Variants in PTPRO observed in about 807,000 individuals in gnomAD.
The protein encoded by PTPRO is protein tyrosine phosphatase receptor type O, also known as receptor-type tyrosine-protein phosphatase O.
A neutral mutation model predicts 145.2 loss-of-function variants in PTPRO; 62 were observed. The observed-to-expected ratio is 0.43, with a 90% CI of 0.35 to 0.53. The LOEUF (loss-of-function observed/expected upper bound fraction) is 0.53. Among genes scored for constraint, PTPRO ranks in the 20% least tolerant of loss-of-function variants. The pLI is 0.01. For synonymous variants in PTPRO, 565 were observed against 514.7 expected (o/e 1.10, Z -1.32); for missense variants, 1,345 against 1,482.7 (o/e 0.91, Z 1.53).
chr12:15,493,939 T>G (rs1313813477), intron 2 of PTPRO, among the ~76,000 whole-genome samples: 1 of 152,208 alleles, frequency 6.6e-6, no homozygotes, highest in Admixed American at 6.5e-5. Flanking sequence ...AATAAAATTT[T>G]TAGACGTTCT....
intron 19 of PTPRO, among the ~76,000 whole-genome samples, chr12:15,574,523 C>T (rs190366351): frequency 1.7e-4 from 26 of 152,310 alleles, no homozygotes; most frequent in African/African-American, 6.0e-4. Context: ...CAGAACTGGC[C>T]ATGCAGTTCA....
chr12:15,492,834 G>A (rs1942026462), intron 2 of PTPRO, among the ~76,000 whole-genome samples: 6 of 152,026 alleles, frequency 3.9e-5, no homozygotes, highest in Admixed American at 3.3e-4. Context: ...AAGTGGGAGA[G>A]GCTCTAGCTA....
At chr12:15,424,280 A>G (rs1342385918) in intron 1 of PTPRO, among the ~76,000 whole-genome samples, 1 of 152,124 alleles carries the variant, frequency 6.6e-6, no homozygotes, top group Non-Finnish European at 1.5e-5. Flanking sequence ...CACTGGAGTA[A>G]AAAGATGGAA....
At position 15,560,272 on chromosome 12, in the gene PTPRO, C is replaced by G. The variant is rs1183253422; in HGVS notation, c.2707C>G (p.Pro903Ala). 2.6e-6 allele frequency: 4 copies of G among 1,568,284 alleles called. No individual in the cohort carries two copies. The highest frequency in any genetic ancestry group is 2.2e-5 in the East Asian group (1 of 44,496). ...TDYLLAFYIN[P>A]WSKNGLKKRK... ...TTATCTTTTGGCATTTTATATTAAT[C>G]CTTGGTAAGTGATTTTTTTTTACTG... The change falls in exon 17 of 27, where the codon CCT becomes GCT. Residue 903 changes from proline to alanine, a missense_variant. This residue lies in a region of PTPRO where 1,130 missense variants were observed against 1,214.7 expected (regional missense o/e 0.93). Coordinates refer to ENST00000281171, the MANE Select transcript of PTPRO (RefSeq NM_030667.3).
chr12:15,554,401 A>G (rs1414148099), intron 15 of PTPRO, among the ~76,000 whole-genome samples: 2 of 148,906 alleles, frequency 1.3e-5, no homozygotes, highest in African/African-American at 2.6e-5. Context: ...ATATATAGAT[A>G]TAGTGTGTGT....
intron 12 of PTPRO, among the ~76,000 whole-genome samples, chr12:15,543,827 C>T (rs890518034): frequency 6.6e-6 from 1 of 152,090 alleles, no homozygotes. Flanking sequence ...TCTTGACCTT[C>T]GAATGAGCAG....
chr12:15,445,954 T>C (rs548507995), intron 1 of PTPRO, among the ~76,000 whole-genome samples: 2 of 152,296 alleles, frequency 1.3e-5, no homozygotes, highest in East Asian at 3.9e-4. Context: ...CTTTTTAGGA[T>C]GCAGAGCACT....
chr12:15,590,474 A>G (rs1944525576), intron 25 of PTPRO, among the ~76,000 whole-genome samples: 1 of 152,114 alleles, frequency 6.6e-6, no homozygotes, highest in African/African-American at 2.4e-5. Context: ...ACCTGTAATC[A>G]GGGTATTTTT....
intron 1 of PTPRO, 89 bp from the exon 2 acceptor site, chr12:15,483,885 A>T (rs1035674194): frequency 3.2e-5 from 45 of 1,397,674 alleles, no homozygotes; most frequent in Non-Finnish European, 3.8e-5. Context: ...TATGATACAC[A>T]ACAATATGTA....
rs115750992 is a variant in PTPRO, at chr12:15,568,704, T to G, written c.2748-713T>G. Among the ~76,000 whole-genome samples, 448 of 152,296 alleles carry G rather than the reference T, an allele frequency of 2.9e-3. 3 individuals carry two copies. Among genetic ancestry groups the G allele is most frequent in the African/African-American group, 0.01 (435 of 41,566 alleles). On this transcript the variant is annotated intron_variant, in intron 18 of 26. Transcript: ENST00000281171. ...TTATTCTCAAAAAAAAGTGAGAACT[T>G]CTGCTGCGGATGCAGAAACATAGCT...
chr12:15,367,553 A>G (rs1938399349), intron 1 of PTPRO, among the ~76,000 whole-genome samples: 1 of 152,200 alleles, frequency 6.6e-6, no homozygotes, highest in Admixed American at 6.5e-5. Flanking sequence ...TGAGCTTCCC[A>G]TGGAACTCCA....
At chr12:15,572,481 T>C (rs369067478) in intron 19 of PTPRO, among the ~76,000 whole-genome samples, 9 of 152,380 alleles carry the variant, frequency 5.9e-5, no homozygotes, top group African/African-American at 2.2e-4. Context: ...ATCATCTTCA[T>C]ATAGCACTAT....
intron 1 of PTPRO, among the ~76,000 whole-genome samples, chr12:15,446,479 A>G (rs1179179870): frequency 3.3e-5 from 5 of 152,050 alleles, no homozygotes; most frequent in Non-Finnish European, 5.9e-5. Context: ...TTACCTGGAA[A>G]TATAAGTAGG....
intron 23 of PTPRO, among the ~76,000 whole-genome samples, chr12:15,585,444 G>C (rs983736952): frequency 6.6e-6 from 1 of 152,334 alleles, no homozygotes; most frequent in African/African-American, 2.4e-5. Flanking sequence ...GAACATAGTA[G>C]GGGAGGCACT....
chr12:15,398,879 T>G (rs1939416437), intron 1 of PTPRO, among the ~76,000 whole-genome samples: 1 of 152,156 alleles, frequency 6.6e-6, no homozygotes. Flanking sequence ...TCTTAGTACT[T>G]TTTCTCTTTA....
intron 12 of PTPRO, among the ~76,000 whole-genome samples, chr12:15,527,122 A>C (rs1349845601): frequency 6.6e-6 from 1 of 152,162 alleles, no homozygotes; most frequent in African/African-American, 2.4e-5. Flanking sequence ...AGAAAACCAA[A>C]AGCAAATATA....
intron 1 of PTPRO, among the ~76,000 whole-genome samples, chr12:15,328,905 T>C (rs1177821995): frequency 6.6e-6 from 1 of 152,214 alleles, no homozygotes; most frequent in Non-Finnish European, 1.5e-5. Flanking sequence ...ATTAAAAGAA[T>C]AGGAATGCAA....
chr12:15,368,798 C>T (rs1365418482), intron 1 of PTPRO, among the ~76,000 whole-genome samples: 1 of 152,092 alleles, frequency 6.6e-6, no homozygotes, highest in Non-Finnish European at 1.5e-5. Context: ...TTCCTGTTTA[C>T]GGCTGAAACT....
At chr12:15,502,162 T>C in intron 5 of PTPRO, 99 bp downstream of exon 5, 1 of 1,200,464 alleles carries the variant, frequency 8.3e-7, no homozygotes, top group East Asian at 2.4e-5. Flanking sequence ...TCATAGACAG[T>C]TATTAGTCAA....
Sources: allele counts gnomAD v4.1 joint callset (sites outside exome capture counted in the v4.1 genomes callset), GRCh38; gene constraint gnomAD v4.1.1; regional missense constraint gnomAD v4.1.1; transcripts MANE v1.5; gene names NCBI Gene and HGNC (gene_info 2026-07-23, HGNC 2026-07-21).